The following ARSB variants were observed in gnomAD, a reference collection of about 807,000 sequenced individuals.
ARSB encodes the protein N-acetylgalactosamine-4-sulfatase.
ARSB carries 41 observed loss-of-function variants against 50.9 expected under a neutral mutation model. That is an observed-to-expected ratio of 0.81 (90% CI 0.63 to 1.04). The LOEUF (loss-of-function observed/expected upper bound fraction) is 1.04. Ranked by LOEUF, ARSB falls within the 50% of genes least tolerant of loss-of-function variation. The pLI is 0.00. For missense variants in ARSB, 672 were observed against 693.3 expected (o/e 0.97, Z 0.35); for synonymous variants, 269 against 284.8 (o/e 0.94, Z 0.56).
chr5:78,943,250 T>C (rs1383552645), intron 4 of ARSB, among the ~76,000 whole-genome samples: 1 of 152,236 alleles, frequency 6.6e-6, no homozygotes, highest in Non-Finnish European at 1.5e-5. Flanking sequence ...CCAGTCTGTG[T>C]CTTTTAATTG....
At chr5:78,780,762 T>A (rs1356059692) in intron 7 of ARSB, 100 bp from the exon 8 acceptor site, 1 of 1,424,476 alleles carries the variant, frequency 7.0e-7, no homozygotes, top group Non-Finnish European at 9.7e-7. Context: ...GGGTTGTGGG[T>A]GTGGAAACAT....
chr5:78,913,727 C>T (rs530035658), intron 4 of ARSB, among the ~76,000 whole-genome samples: 1 of 152,062 alleles, frequency 6.6e-6, no homozygotes, highest in Admixed American at 6.5e-5. Flanking sequence ...ACTATGTGTA[C>T]ATGTTTATAC....
At chr5:78,968,877 C>A in intron 2 of ARSB, 129 bp downstream of exon 2, 1 of 1,056,464 alleles carries the variant, frequency 9.5e-7, no homozygotes, top group Non-Finnish European at 1.4e-6. Flanking sequence ...AAAGCAGCCC[C>A]ATTACAGTGC....
At chr5:78,915,706 C>T (rs1030002566) in intron 4 of ARSB, among the ~76,000 whole-genome samples, 1 of 152,178 alleles carries the variant, frequency 6.6e-6, no homozygotes, top group African/African-American at 2.4e-5. Flanking sequence ...TTTGCATATA[C>T]ATAATGATAC....
chr5:78,863,405 C>T (rs1413535275), intron 5 of ARSB, among the ~76,000 whole-genome samples: 1 of 152,120 alleles, frequency 6.6e-6, no homozygotes, highest in Admixed American at 6.5e-5. Flanking sequence ...GGCACATATA[C>T]ACCATGGAAT....
chr5:78,777,280 T>C lies in ARSB; in HGVS notation c.*3117A>G, dbSNP rs1748797685. The C allele has an allele frequency of 6.6e-6, 1 of 152,350 alleles. No homozygotes were observed. Among genetic ancestry groups the C allele is most frequent in the Admixed American group, 6.5e-5 (1 of 15,280 alleles). 9.4% of individuals were successfully genotyped at this position (152,350 alleles called of 1,614,324 possible). A position where few individuals can be genotyped will look rare whatever the true frequency, so the allele number is the denominator to read the frequency against. On this transcript the variant is annotated 3_prime_UTR_variant, in exon 8 of 8. Transcript: ENST00000264914. ...TTACTGAGATATAATTTATGTACTA[T>C]AAAGTTGGTTGACACATTTAAAAAT...
chr5:78,865,813 G>A (rs1384801383), intron 5 of ARSB, among the ~76,000 whole-genome samples: 1 of 152,088 alleles, frequency 6.6e-6, no homozygotes, highest in Non-Finnish European at 1.5e-5. Context: ...CTAGGGCAGG[G>A]GCAAAATGTC....
intron 1 of ARSB, among the ~76,000 whole-genome samples, chr5:78,972,530 C>CACACACACACACACACACACACACACAT (rs1752497429): frequency 6.6e-6 from 1 of 151,620 alleles, no homozygotes; most frequent in African/African-American, 2.4e-5. Flanking sequence ...CACACACACA[C>CACACACACACACACACACACACACACAT]ACACACACAC....
At chr5:78,915,650 CTTAGGACCAGAAGTGTTTGGGATT>C (rs1005053945) in intron 4 of ARSB, among the ~76,000 whole-genome samples, 7 of 152,188 alleles carry the variant, frequency 4.6e-5, no homozygotes, top group Non-Finnish European at 7.3e-5. Flanking sequence ...GTCCAAAACA[CTTAGGACCAGAAGTGTTTGGGATT>C]TAAAATTTTT....
intron 5 of ARSB, among the ~76,000 whole-genome samples, chr5:78,851,810 T>C (rs1012943346): frequency 1.3e-5 from 2 of 152,204 alleles, no homozygotes; most frequent in African/African-American, 2.4e-5. Flanking sequence ...TTTACCATTA[T>C]GTAATGGCCT....
intron 3 of ARSB, among the ~76,000 whole-genome samples, chr5:78,959,825 A>G (rs1204490636): frequency 6.6e-6 from 1 of 152,246 alleles, no homozygotes; most frequent in Non-Finnish European, 1.5e-5. Context: ...TTTTAATACT[A>G]TATGGTAGCC....
intron 4 of ARSB, among the ~76,000 whole-genome samples, chr5:78,920,080 T>C (rs1749732450): frequency 6.6e-6 from 1 of 151,654 alleles, no homozygotes; most frequent in South Asian, 2.1e-4. Context: ...CCCCAAGAGA[T>C]AGGAGGAGGG....
chr5:78,950,743 T>C (rs1175252055), intron 4 of ARSB, among the ~76,000 whole-genome samples: 2 of 152,110 alleles, frequency 1.3e-5, no homozygotes, highest in Non-Finnish European at 2.9e-5. Flanking sequence ...GACCTCAAGC[T>C]GCAGATTTGA....
intron 6 of ARSB, among the ~76,000 whole-genome samples, chr5:78,800,015 G>A (rs1265619208): frequency 6.6e-6 from 1 of 152,202 alleles, no homozygotes; most frequent in African/African-American, 2.4e-5. Context: ...CTTTCTGAAT[G>A]AGCAAGAGAA....
At chr5:78,980,624 G>T (rs902634469) in intron 1 of ARSB, among the ~76,000 whole-genome samples, 1 of 152,130 alleles carries the variant, frequency 6.6e-6, no homozygotes, top group Non-Finnish European at 1.5e-5. Context: ...AGTGTGAAGA[G>T]TATGTTACCA....
intron 4 of ARSB, among the ~76,000 whole-genome samples, chr5:78,897,062 AAG>A (rs1183957756): frequency 1.4e-4 from 22 of 152,250 alleles, no homozygotes; most frequent in Middle Eastern, 3.4e-3. Context: ...TACAAAAAAA[AAG>A]AGAGAGCAGG....
At chr5:78,843,863 A>G (rs1745334044) in intron 5 of ARSB, among the ~76,000 whole-genome samples, 1 of 152,204 alleles carries the variant, frequency 6.6e-6, no homozygotes, top group Non-Finnish European at 1.5e-5. Context: ...AGGATCATCA[A>G]TGTGGTAGCA....
intron 2 of ARSB, among the ~76,000 whole-genome samples, chr5:78,967,175 A>C (rs1215457308): frequency 1.3e-5 from 2 of 152,214 alleles, no homozygotes; most frequent in Non-Finnish European, 2.9e-5. Context: ...AACATCTACA[A>C]GAAAACCACC....
At chr5:78,782,109 G>A (rs1748944065) in intron 6 of ARSB, 135 bp from the exon 7 acceptor site, 4 of 1,117,946 alleles carry the variant, frequency 3.6e-6, no homozygotes, top group Non-Finnish European at 5.2e-6. Flanking sequence ...CCACAGAAAT[G>A]AATCTTTTAT....
Sources: allele counts gnomAD v4.1 joint callset (sites outside exome capture counted in the v4.1 genomes callset), GRCh38; gene constraint gnomAD v4.1.1; transcripts MANE v1.5; gene names NCBI Gene and HGNC (gene_info 2026-07-23, HGNC 2026-07-21).